UNC13C: variants seen among roughly 807,000 people sequenced by gnomAD.
UNC13C encodes protein unc-13 homolog C.
Under a neutral mutation model 245.4 loss-of-function variants are expected in UNC13C, and 174 were observed. The ratio of observed to expected loss-of-function variants is 0.71; its 90% CI spans 0.63 to 0.80. The LOEUF is 0.80. UNC13C is among the 30% of genes least tolerant of loss of function. The pLI is 0.00. For missense variants in UNC13C, 2,829 were observed against 2,602.9 expected, an observed-to-expected ratio of 1.09 and a Z score of -1.89; for synonymous variants, 992 against 895.1, an observed-to-expected ratio of 1.11 and a Z score of -1.93.
intron 2 of UNC13C, among the ~76,000 whole-genome samples, chr15:54,138,203 T>A (rs556092145): frequency 6.6e-6 from 1 of 152,268 alleles, no homozygotes; most frequent in South Asian, 2.1e-4. Flanking sequence ...TTTGTTAAGA[T>A]GTGTTTTGTG....
At chr15:54,281,103 T>C (rs942429189) in intron 10 of UNC13C, among the ~76,000 whole-genome samples, 1 of 152,096 alleles carries the variant, frequency 6.6e-6, no homozygotes, top group Non-Finnish European at 1.5e-5. Flanking sequence ...CGGCCAACAC[T>C]CAATATTTTT....
chr15:54,168,026 C>A (rs2033248109), intron 4 of UNC13C, among the ~76,000 whole-genome samples: 1 of 152,042 alleles, frequency 6.6e-6, no homozygotes. Flanking sequence ...GAGAACTATC[C>A]TTTGGAAAGT....
At chr15:54,141,502 A>G (rs931571570) in intron 2 of UNC13C, among the ~76,000 whole-genome samples, 4 of 152,122 alleles carry the variant, frequency 2.6e-5, no homozygotes, top group African/African-American at 9.7e-5. Flanking sequence ...TTACACTTAA[A>G]GAAGACCCAT....
intron 2 of UNC13C, chr15:54,048,856 C>T (rs1897152820): frequency 4.0e-6 from 1 of 250,828 alleles, no homozygotes; most frequent in Admixed American, 5.3e-5. Flanking sequence ...TCGTTTGTAT[C>T]CCTTTCACGT....
chr15:54,019,338 G>A lies in UNC13C; in HGVS notation c.2983+3452G>A, dbSNP rs556719752. The stretch of plus-strand genomic sequence containing the variant: ...AGATGAAGAACAGAGTCAGCCACTA[G>A]GTTTAGTTCAACTCAGAGATATTCA... On this transcript the variant is annotated intron_variant, in intron 2 of 32. Coordinates refer to ENST00000260323, the MANE Select transcript of UNC13C (RefSeq NM_001080534.3). 5.3e-5 allele frequency among the ~76,000 whole-genome samples: 8 copies of A among 152,276 alleles called. No homozygotes were observed. In the South Asian group the frequency reaches 6.2e-4, roughly 12 times the overall value.
intron 30 of UNC13C, among the ~76,000 whole-genome samples, chr15:54,587,002 T>G (rs1274680062): frequency 6.6e-6 from 1 of 152,208 alleles, no homozygotes; most frequent in Admixed American, 6.5e-5. Context: ...ATTCATATAC[T>G]CAACATTTAA....
At chr15:54,227,159 C>A (rs1318522508) in intron 4 of UNC13C, among the ~76,000 whole-genome samples, 1 of 152,108 alleles carries the variant, frequency 6.6e-6, no homozygotes, top group Non-Finnish European at 1.5e-5. Flanking sequence ...TAGCTCCTTT[C>A]CTCAGGCAGA....
At chr15:54,397,236 G>T (rs755724043) in intron 18 of UNC13C, among the ~76,000 whole-genome samples, 1 of 151,282 alleles carries the variant, frequency 6.6e-6, no homozygotes, top group African/African-American at 2.4e-5. Flanking sequence ...TCTTTGGATC[G>T]TTTTCATATG....
intron 2 of UNC13C, among the ~76,000 whole-genome samples, chr15:54,125,393 A>G (rs7165294): frequency 0.38 from 58,459 of 151,922 alleles, 11,412 homozygotes; most frequent in African/African-American, 0.42. Context: ...AATCTGGGAG[A>G]CGGAGGTTGC....
intron 19 of UNC13C, among the ~76,000 whole-genome samples, chr15:54,494,119 A>T (rs908267456): frequency 6.6e-6 from 1 of 152,164 alleles, no homozygotes; most frequent in African/African-American, 2.4e-5. Flanking sequence ...TGATTAATCA[A>T]TGATTATAGC....
At chr15:54,265,285 G>T (rs2036524477) in intron 9 of UNC13C, 70 bp from the exon 10 acceptor site, 1 of 1,250,364 alleles carries the variant, frequency 8.0e-7, no homozygotes, top group Non-Finnish European at 1.0e-6. Flanking sequence ...CAGAAAAATT[G>T]TCTTTGTTAT....
intron 4 of UNC13C, among the ~76,000 whole-genome samples, chr15:54,217,646 A>G (rs913140866): frequency 4.6e-5 from 7 of 151,962 alleles, no homozygotes; most frequent in East Asian, 1.9e-4. Context: ...CCAGTAATAC[A>G]TAATCTACTT....
the UNC13C span, among the ~76,000 whole-genome samples, chr15:53,875,090 T>C: frequency 7.0e-6 from 1 of 143,482 alleles, no homozygotes; most frequent in African/African-American, 2.5e-5. Context: ...AGACTCCGTC[T>C]CAAAATTAAA....
At chr15:54,308,660 C>G (rs1596190841) in intron 13 of UNC13C, among the ~76,000 whole-genome samples, 2 of 151,824 alleles carry the variant, frequency 1.3e-5, no homozygotes, top group East Asian at 1.9e-4. Flanking sequence ...ACCCACCCTG[C>G]TAGCCAACTC....
At chr15:54,589,219 T>G (rs985440858) in intron 30 of UNC13C, among the ~76,000 whole-genome samples, 2 of 151,948 alleles carry the variant, frequency 1.3e-5, no homozygotes, top group Non-Finnish European at 2.9e-5. Flanking sequence ...GATTTGCATT[T>G]CGTTGATCAT....
chr15:54,548,284 C>T (rs547961161), intron 27 of UNC13C, among the ~76,000 whole-genome samples: 6 of 136,346 alleles, frequency 4.4e-5, no homozygotes, highest in Admixed American at 2.5e-4. Context: ...TGCAGTGGCG[C>T]GATCTCGGCT....
At chr15:54,536,609 A>G (rs1895992976) in intron 26 of UNC13C, among the ~76,000 whole-genome samples, 2 of 152,120 alleles carry the variant, frequency 1.3e-5, no homozygotes, top group South Asian at 4.1e-4. Flanking sequence ...CAAACCAAGC[A>G]GCATATCAAA....
intron 2 of UNC13C, among the ~76,000 whole-genome samples, chr15:54,107,589 G>C (rs1900510527): frequency 6.6e-6 from 1 of 152,132 alleles, no homozygotes; most frequent in South Asian, 2.1e-4. Context: ...ATTCAGCTTT[G>C]GAACCCAGCT....
the UNC13C span, among the ~76,000 whole-genome samples, chr15:53,937,604 GA>G: frequency 6.6e-6 from 1 of 152,070 alleles, no homozygotes; most frequent in Non-Finnish European, 1.5e-5. Context: ...AGGTTGAAAT[GA>G]AAGAAAAAAT....
Sources: allele counts gnomAD v4.1 joint callset (sites outside exome capture counted in the v4.1 genomes callset), GRCh38; gene constraint gnomAD v4.1.1; transcripts MANE v1.5; gene names NCBI Gene and HGNC (gene_info 2026-07-23, HGNC 2026-07-21).